The following PRTG variants were observed in gnomAD, a reference collection of about 807,000 sequenced individuals.
PRTG encodes protogenin, also known as immunoglobulin superfamily, DCC subclass, member 5.
In PRTG, 67 loss-of-function variants were observed where a neutral mutation model predicts 122.5. The observed-to-expected ratio is 0.55, with a 90% confidence interval of 0.45 to 0.67. PRTG has a LOEUF of 0.67. Ranked by LOEUF, PRTG falls within the 30% of genes least tolerant of loss-of-function variation. PRTG has a pLI of 0.00. For missense variants in PRTG, 1,435 were observed against 1,415.4 expected (o/e 1.01, Z -0.22); for synonymous variants, 554 against 501.1 (o/e 1.11, Z -1.41).
At chr15:55,665,160 C>T (rs1046737340) in intron 11 of PRTG, among the ~76,000 whole-genome samples, 6 of 151,554 alleles carry the variant, frequency 4.0e-5, no homozygotes, top group Admixed American at 1.3e-4. Context: ...CTTGGGAGGC[C>T]GAGGGAGGAG....
Position 55,726,510 on chromosome 15 carries a change from T to C in PRTG, c.397+13872A>G, listed in dbSNP as rs543912288. Among the ~76,000 whole-genome samples the C allele has an allele frequency of 7.3e-4, 111 of 151,962 alleles. 1 individual carries two copies. Among genetic ancestry groups the C allele is most frequent in the Admixed American group, 7.2e-3 (110 of 15,262 alleles). On this transcript the variant is annotated intron_variant, in intron 2 of 19. Coordinates refer to ENST00000389286, the MANE Select transcript of PRTG (RefSeq NM_173814.6). ...AAAAATAGACTTTAAGTAAAAACTG[T>C]CATGAGAGACAAAGGAGCTACCAAG...
intron 2 of PRTG, among the ~76,000 whole-genome samples, chr15:55,690,332 AAGGATCTAATG>A (rs548865928): frequency 2.5e-4 from 38 of 152,356 alleles, no homozygotes; most frequent in African/African-American, 8.9e-4. Flanking sequence ...GCTAGGCGCC[AAGGATCTAATG>A]AGGAACAAAA....
chr15:55,631,384 T>C (rs2059226646), intron 15 of PRTG, among the ~76,000 whole-genome samples: 1 of 152,228 alleles, frequency 6.6e-6, no homozygotes, highest in Admixed American at 6.5e-5. Flanking sequence ...AACTAATCAC[T>C]ACCAGAAACT....
chr15:55,638,789 AT>A, intron 13 of PRTG, 113 bp from the exon 14 acceptor site: 2 of 833,956 alleles, frequency 2.4e-6, no homozygotes, highest in Non-Finnish European at 3.6e-6. Flanking sequence ...TTACCTCCTT[AT>A]TTTATATGAA....
At chr15:55,742,484 C>G in intron 1 of PRTG, 2 of 224,486 alleles carry the variant, frequency 8.9e-6, no homozygotes, top group Non-Finnish European at 8.6e-6. Flanking sequence ...CGGAGTCCGG[C>G]CGGTCGCGGA....
chr15:55,703,815 A>G (rs2029978797), intron 2 of PRTG, among the ~76,000 whole-genome samples: 1 of 152,210 alleles, frequency 6.6e-6, no homozygotes, highest in African/African-American at 2.4e-5. Context: ...ATCTAGACAG[A>G]CTTGTGTTAG....
chr15:55,714,620 T>C (rs1348359484), intron 2 of PRTG, among the ~76,000 whole-genome samples: 1 of 152,016 alleles, frequency 6.6e-6, no homozygotes, highest in African/African-American at 2.4e-5. Context: ...TCCTTATGCA[T>C]CAAATAAGCT....
At chr15:55,647,610 C>T (rs1297398220) in intron 11 of PRTG, among the ~76,000 whole-genome samples, 1 of 152,094 alleles carries the variant, frequency 6.6e-6, no homozygotes, top group Non-Finnish European at 1.5e-5. Flanking sequence ...GAAATCATGC[C>T]TATGAAGTAC....
intron 2 of PRTG, among the ~76,000 whole-genome samples, chr15:55,707,874 G>T (rs1356520656): frequency 6.6e-6 from 1 of 152,134 alleles, no homozygotes; most frequent in Non-Finnish European, 1.5e-5. Context: ...TCCCAACTTT[G>T]TGCAGAGTTC....
intron 4 of PRTG, among the ~76,000 whole-genome samples, chr15:55,682,126 G>C (rs1181116779): frequency 6.6e-6 from 1 of 152,088 alleles, no homozygotes; most frequent in Non-Finnish European, 1.5e-5. Flanking sequence ...GAATACCAAA[G>C]ACTGAATATT....
At chr15:55,622,594 T>C in intron 18 of PRTG, among the ~76,000 whole-genome samples, 1 of 151,804 alleles carries the variant, frequency 6.6e-6, no homozygotes, top group African/African-American at 2.4e-5. Context: ...GGTTTCACCA[T>C]GTTAGCTAGG....
chr15:55,742,972 C>G lies in PRTG; in HGVS notation c.-41G>C. ...GGGCATGCTCCCCGGCCGCCCAGAG[C>G]CCCTGTCCGTCTGCGGCCCCCGCCC... On this transcript the variant is annotated 5_prime_UTR_variant, in exon 1 of 20. Transcript: ENST00000389286. 1 of 1,423,156 alleles carries G rather than the reference C, an allele frequency of 7.0e-7. No individual in the cohort carries two copies. The highest frequency in any genetic ancestry group is 3.2e-5 in the Admixed American group (1 of 30,892). The allele number at this position is 1,423,156 out of a possible 1,614,324, so 88.2% of individuals were successfully genotyped here. A position where few individuals can be genotyped will look rare whatever the true frequency, so the allele number is the denominator to read the frequency against.
At position 55,740,291 on chromosome 15, in the gene PRTG, C is replaced by T. The variant is rs563260788; in HGVS notation, c.397+91G>A. 9.8e-6 allele frequency: 12 copies of T among 1,221,340 alleles called. No homozygotes were observed. The South Asian group carries it at 1.4e-4, about 14-fold the overall frequency. The allele number at this position is 1,221,340 out of a possible 1,614,324, so 75.7% of individuals were successfully genotyped here. Reference sequence around the variant, plus strand: ...TCTCCAGTAAAATTCTTAATGCATGCATGATTCGGGGGATTATTATATTAA... The same window carrying T: ...TCTCCAGTAAAATTCTTAATGCATGTATGATTCGGGGGATTATTATATTAA... On this transcript the variant is annotated intron_variant, in intron 2 of 19. Coordinates refer to ENST00000389286, the MANE Select transcript of PRTG (RefSeq NM_173814.6).
At chr15:55,652,871 C>T (rs769629776) in intron 11 of PRTG, among the ~76,000 whole-genome samples, 2 of 151,690 alleles carry the variant, frequency 1.3e-5, no homozygotes, top group African/African-American at 2.4e-5. Flanking sequence ...TGTCTCATAT[C>T]GTCAAACTTG....
intron 2 of PRTG, among the ~76,000 whole-genome samples, chr15:55,706,014 A>ATTTTTTT (rs56275705): frequency 0.15 from 13,936 of 93,774 alleles, 1,544 homozygotes; most frequent in East Asian, 0.22. Flanking sequence ...TGCCCAGCTA[A>ATTTTTTT]TTTTTTTTTT....
intron 15 of PRTG, 77 bp downstream of exon 15, chr15:55,637,093 T>C: frequency 8.4e-7 from 1 of 1,192,356 alleles, no homozygotes; most frequent in Non-Finnish European, 1.1e-6. Context: ...AAATAAACTC[T>C]AGATTCCCCT....
At chr15:55,643,402 T>C (rs933967025) in intron 11 of PRTG, among the ~76,000 whole-genome samples, 2 of 152,218 alleles carry the variant, frequency 1.3e-5, no homozygotes, top group Admixed American at 6.5e-5. Flanking sequence ...AGATGTTATA[T>C]CCATTTTATG....
chr15:55,696,768 C>T (rs993312665), intron 2 of PRTG, among the ~76,000 whole-genome samples: 1 of 152,144 alleles, frequency 6.6e-6, no homozygotes, highest in Non-Finnish European at 1.5e-5. Flanking sequence ...TGGTTTATTA[C>T]CTAATTTCTA....
At chr15:55,630,482 G>C (rs981204969) in intron 15 of PRTG, among the ~76,000 whole-genome samples, 8 of 152,260 alleles carry the variant, frequency 5.3e-5, no homozygotes, top group African/African-American at 1.4e-4. Context: ...AGTTACGCAG[G>C]AACCTCAGAG....
Sources: allele counts gnomAD v4.1 joint callset (sites outside exome capture counted in the v4.1 genomes callset), GRCh38; gene constraint gnomAD v4.1.1; transcripts MANE v1.5; gene names NCBI Gene and HGNC (gene_info 2026-07-23, HGNC 2026-07-21).